Variants in DMBT1 observed in about 807,000 individuals in gnomAD.
The protein encoded by DMBT1 is deleted in malignant brain tumors 1, also known as scavenger receptor cysteine-rich domain-containing protein DMBT1.
A neutral mutation model predicts 252.9 loss-of-function variants in DMBT1; 198 were observed. The ratio of observed to expected loss-of-function variants is 0.78; its 90% CI spans 0.70 to 0.88. The LOEUF is 0.88. Ranked by LOEUF, DMBT1 falls within the 40% of genes least tolerant of loss-of-function variation. DMBT1 has a pLI of 0.00. For synonymous variants in DMBT1, 990 were observed against 942.7 expected (o/e 1.05, Z -0.92); for missense variants, 2,432 against 2,404.7 (o/e 1.01, Z -0.24).
chr10:122,634,748 C>T (rs1414404611), intron 52 of DMBT1, among the ~76,000 whole-genome samples: 4 of 152,056 alleles, frequency 2.6e-5, no homozygotes, highest in Non-Finnish European at 4.4e-5. Context: ...CCTCCCACCT[C>T]GGCCTCCCAA....
rs773521067 is a variant in DMBT1, at chr10:122,618,026, C to T, written c.4901C>T (p.Ser1634Phe). Residue 1634 changes from serine to phenylalanine, a missense_variant, in exon 41 of 56, where the codon TCC becomes TTC. Around this residue, in one of 3 missense-constraint regions of DMBT1, gnomAD observed 1,162 missense variants for 1,169.0 expected, o/e 0.99. Coordinates refer to ENST00000338354, the MANE Select transcript of DMBT1 (RefSeq NM_001377530.1). Reference protein sequence around the residue: ...TSRASTAGSESTLALRLVNGG... With the variant: ...TSRASTAGSEFTLALRLVNGG... ...TTGTGTTCCCCTGTAGGATCTGAATCCACTTTGGCCCTGAGACTGGTGAAT... is the reference window on the plus strand; with the variant it reads ...TTGTGTTCCCCTGTAGGATCTGAATTCACTTTGGCCCTGAGACTGGTGAAT... 4 of 1,612,848 alleles carry T rather than the reference C, an allele frequency of 2.5e-6. No individual in the cohort carries two copies. Among genetic ancestry groups the T allele is most frequent in the Non-Finnish European group, 3.4e-6 (4 of 1,179,758 alleles).
At chr10:122,580,790 T>A in intron 10 of DMBT1, 76 bp from the exon 11 acceptor site, 5 of 1,564,314 alleles carry the variant, frequency 3.2e-6, no homozygotes, top group South Asian at 1.1e-5. Flanking sequence ...CTCGCTCATT[T>A]CTTTCCCTCC....
chr10:122,630,544 T>A (rs2133669946), intron 48 of DMBT1, 54 bp downstream of exon 48: 1 of 1,562,874 alleles, frequency 6.4e-7, no homozygotes, highest in South Asian at 1.1e-5. Context: ...CCCAGCTGCC[T>A]CTTTGGGGGC....
intron 6 of DMBT1, among the ~76,000 whole-genome samples, chr10:122,574,165 G>T (rs1300964632): frequency 2.0e-5 from 3 of 152,186 alleles, no homozygotes; most frequent in African/African-American, 7.2e-5. Context: ...CAGCATCCTT[G>T]CCCTTGCCCT....
At chr10:122,587,450 G>A (rs1215369809) in intron 16 of DMBT1, among the ~76,000 whole-genome samples, 1 of 148,946 alleles carries the variant, frequency 6.7e-6, no homozygotes, top group Non-Finnish European at 1.5e-5. Context: ...CAGGTGTGGG[G>A]CAGGCAGTGC....
In DMBT1 at chr10:122,586,062, T is replaced by C. The variant is rs368317581; in HGVS notation, c.1462T>C (p.Ser488Pro). 2 of 1,588,542 alleles carry C rather than the reference T, an allele frequency of 1.3e-6. No individual in the cohort carries two copies. Among genetic ancestry groups the C allele is most frequent in the South Asian group, 1.1e-5 (1 of 87,022 alleles). ...TITLPASTVGSESSLALRLVN... is the reference protein window; with the variant it reads ...TITLPASTVGPESSLALRLVN... ...AGGGTTCTTGTTTTCCCCTGTAGGA[T>C]CTGAATCCAGTTTGGCCCTGAGGCT... is the stretch of plus-strand genomic sequence containing the variant. Residue 488 changes from serine (S) to proline (P), a missense_variant and splice_region_variant, in exon 16 of 56, where the codon TCT (serine) becomes CCT (proline). Ser to Pro is a moderately conservative substitution (Grantham distance 74). Coordinates refer to ENST00000338354, the MANE Select transcript of DMBT1 (RefSeq NM_001377530.1).
In DMBT1 at chr10:122,586,810, C is replaced by T; in HGVS notation, c.1783+427C>T. ...CTGAGGACCTCAGGCTGCTTGTACT[C>T]CTGGCAGAGGGGATGGGGAGCTGGC... On this transcript the variant is annotated intron_variant, in intron 16 of 55. Transcript: ENST00000338354. Among the ~76,000 whole-genome samples, 2 of 148,230 alleles carry T rather than the reference C, an allele frequency of 1.3e-5. 1 individual carries two copies. Among genetic ancestry groups the T allele is most frequent in the Non-Finnish European group, 3.0e-5 (2 of 66,668 alleles).
rs1049317215 is a variant in DMBT1, at chr10:122,580,731, G to A, written c.1004-135G>A. ...GTGCATCTCTGTGGGGATGTGCATG[G>A]CAATGTCCCTCCCTGTGTGATAGGA... On this transcript the variant is annotated intron_variant, in intron 10 of 55. Transcript: ENST00000338354. 5.3e-6 allele frequency: 7 copies of A among 1,313,762 alleles called. No homozygotes were observed. In the African/African-American group the frequency reaches 7.3e-5, roughly 14 times the overall value. 81.4% of individuals were successfully genotyped at this position (1,313,762 alleles called of 1,614,324 possible).
At position 122,640,289 on chromosome 10, in the gene DMBT1, G is replaced by A. The variant is rs1324587780; in HGVS notation, c.7192G>A (p.Val2398Met). The change falls in exon 55 of 56, where the codon GTG (valine) becomes ATG (methionine). Residue 2398 changes from valine to methionine, a missense_variant. Coordinates refer to ENST00000338354, the MANE Select transcript of DMBT1 (RefSeq NM_001377530.1). ...FYTSSSFLYP[V>M]TSRPYYVDLN... The stretch of plus-strand genomic sequence containing the variant: ...TACTTCCTCATCTTTCTTGTATCCT[G>A]TGACCAGCCGCCCTTACTACGTGGA... 1 of 1,614,000 alleles carries A rather than the reference G, an allele frequency of 6.2e-7. No homozygotes were observed. Among genetic ancestry groups the A allele is most frequent in the Non-Finnish European group, 8.5e-7 (1 of 1,179,906 alleles).
chr10:122,618,006 T>A lies in DMBT1; in HGVS notation c.4892-11T>A. 6.2e-7 allele frequency: 1 copy of A among 1,612,230 alleles called. No individual in the cohort carries two copies. The highest frequency in any genetic ancestry group is 8.5e-7 in the Non-Finnish European group (1 of 1,179,730). Reference sequence around the variant, plus strand: ...TGGGGATGGATGAAGGGTTCTTGTGTTCCCCTGTAGGATCTGAATCCACTT... The same window carrying A: ...TGGGGATGGATGAAGGGTTCTTGTGATCCCCTGTAGGATCTGAATCCACTT... On this transcript the variant is annotated splice_polypyrimidine_tract_variant and intron_variant, in intron 40 of 55. Coordinates refer to ENST00000338354, the MANE Select transcript of DMBT1 (RefSeq NM_001377530.1).
chr10:122,633,202 T>A lies in DMBT1; in HGVS notation c.6409T>A (p.Cys2137Ser). ...TTTTGTCCTGACAGCAGATTATTCC[T>A]GCGGAGGCTTCCTATCCCAACCATC... is the stretch of plus-strand genomic sequence containing the variant. ...NITRPNTDYS[C>S]GGFLSQPSGD... is the part of the protein sequence containing the mutation. Residue 2137 changes from cysteine (C) to serine (S), a missense_variant, in exon 52 of 56, where the codon TGC (cysteine) becomes AGC (serine). Physicochemically the swap from Cys to Ser is moderately radical, Grantham distance 112. This residue lies in a region of DMBT1 where 1,162 missense variants were observed against 1,169.0 expected (regional missense o/e 0.99). Transcript: ENST00000338354. The A allele has an allele frequency of 6.2e-7, 1 of 1,614,006 alleles. No individual in the cohort carries two copies. The highest frequency in any genetic ancestry group is 8.5e-7 in the Non-Finnish European group (1 of 1,179,852).
chr10:122,643,062 T>C, intron 55 of DMBT1, 60 bp from the exon 56 acceptor site: 4 of 1,581,916 alleles, frequency 2.5e-6, no homozygotes, highest in Non-Finnish European at 3.4e-6. Context: ...CTGGTACAAC[T>C]GAGTCATGAA....
chr10:122,629,892 C>T lies in DMBT1; in HGVS notation c.5721C>T (p.Ser1907=), dbSNP rs762095003. ...GFLFYASGTF[S]SPSYPAYYPN... ...TATTCTATGCCAGTGGGACATTCTC[C>T]AGCCCATCCTACCCTGCATACTACC... The change falls in exon 47 of 56, where the codon TCC becomes TCT. Residue 1907 remains serine (S), a synonymous_variant. Coordinates refer to ENST00000338354, the MANE Select transcript of DMBT1 (RefSeq NM_001377530.1). 1.7e-5 allele frequency: 27 copies of T among 1,613,998 alleles called. No homozygotes were observed. Among genetic ancestry groups the T allele is most frequent in the Non-Finnish European group, 2.0e-5 (24 of 1,179,884 alleles).
intron 54 of DMBT1, among the ~76,000 whole-genome samples, chr10:122,638,506 A>G (rs113062341): frequency 0.012 from 1,839 of 152,314 alleles, 37 homozygotes; most frequent in African/African-American, 0.041. Context: ...GCAGGGGTGC[A>G]TCATAGCTCA....
At chr10:122,589,416 G>A in intron 17 of DMBT1, 149 bp downstream of exon 17, 2 of 1,354,308 alleles carry the variant, frequency 1.5e-6, no homozygotes, top group Non-Finnish European at 2.0e-6. Context: ...AACTGCATGA[G>A]TCTTCACCAC....
intron 7 of DMBT1, among the ~76,000 whole-genome samples, chr10:122,577,058 A>T (rs190884640): frequency 1.3e-5 from 2 of 152,334 alleles, no homozygotes; most frequent in East Asian, 3.9e-4. Context: ...GCAGTGCCGC[A>T]ACATTGGTTT....
At chr10:122,580,733 A>G (rs1016816946) in intron 10 of DMBT1, 133 bp from the exon 11 acceptor site, 13 of 1,317,654 alleles carry the variant, frequency 9.9e-6, no homozygotes, top group Admixed American at 8.5e-5. Flanking sequence ...TGTGCATGGC[A>G]ATGTCCCTCC....
rs536562814 is a variant in DMBT1, at chr10:122,618,341, G to A, written c.5215+1G>A. ...GAAGATGCTGGTGTCATCTGCTCAG[G>A]TGGGCTTTCAAGACCTTGGGCTCCC... On this transcript the variant is annotated splice_donor_variant, in intron 41 of 55. Transcript: ENST00000338354. LOFTEE classifies it high-confidence loss of function. The A allele has an allele frequency of 6.2e-7, 1 of 1,613,862 alleles. No individual in the cohort carries two copies. The highest frequency in any genetic ancestry group is 8.5e-7 in the Non-Finnish European group (1 of 1,179,772).
At chr10:122,632,101 G>A (rs1465279925) in intron 50 of DMBT1, among the ~76,000 whole-genome samples, 2 of 152,072 alleles carry the variant, frequency 1.3e-5, no homozygotes, top group Admixed American at 6.5e-5. Context: ...GTCCCGAGGT[G>A]AGGCCCGCCA....
Sources: gnomAD v4.1 joint callset for allele counts (sites outside exome capture counted in the v4.1 genomes callset) on GRCh38, gnomAD v4.1.1 for gene constraint, gnomAD v4.1.1 regional missense constraint, MANE v1.5 for transcripts, NCBI Gene and HGNC (gene_info 2026-07-23, HGNC 2026-07-21) for gene names.